The following ARL15 variants were observed in gnomAD, a reference collection of about 807,000 sequenced individuals.
ARL15 encodes the protein ARF like GTPase 15.
ARL15 carries 19 observed loss-of-function variants against 25.2 expected under a neutral mutation model. The ratio of observed to expected loss-of-function variants is 0.75; its 90% CI spans 0.53 to 1.10. The LOEUF (loss-of-function observed/expected upper bound fraction) is 1.10, where lower values mean the gene tolerates loss of function less well. ARL15 is among the 50% of genes least tolerant of loss of function. ARL15 has a pLI of 0.00. For synonymous variants in ARL15, 94 were observed against 86.8 expected, an observed-to-expected ratio of 1.08 and a Z score of -0.46; for missense variants, 220 against 246.0, an observed-to-expected ratio of 0.89 and a Z score of 0.71.
intron 4 of ARL15, among the ~76,000 whole-genome samples, 175 bp from the exon 5 acceptor site, chr5:53,886,888 A>G (rs1744543783): frequency 6.6e-6 from 1 of 152,140 alleles, no homozygotes; most frequent in Non-Finnish European, 1.5e-5. Context: ...TGTGGGTTAT[A>G]TATTGTGACC....
chr5:54,128,872 AT>A (rs1157268344), intron 3 of ARL15, among the ~76,000 whole-genome samples: 2 of 151,888 alleles, frequency 1.3e-5, no homozygotes, highest in African/African-American at 4.8e-5. Context: ...CGCCCGGCTA[AT>A]TTTTTGTATT....
rs58782533 is a variant in ARL15, at chr5:54,057,988, CTTTATTTA to C, written c.462+55206_462+55213del. ...TCTGTCTCCACTAATTTACTGGTGC[CTTTATTTA>C]TTTATTTATTTATTTATTTATTTTT... On this transcript the variant is annotated intron_variant, in intron 4 of 4. Coordinates refer to ENST00000504924, the MANE Select transcript of ARL15 (RefSeq NM_019087.3). Among the ~76,000 whole-genome samples the C allele has an allele frequency of 3.1e-4, 10 of 32,754 alleles. No homozygotes were observed. In the South Asian group the frequency reaches 9.2e-3, roughly 30 times the overall value. The allele number at this position is 32,754 out of a possible 152,430, so 21.5% of individuals were successfully genotyped here. A position where few individuals can be genotyped will look rare whatever the true frequency, so the allele number is the denominator to read the frequency against.
intron 4 of ARL15, among the ~76,000 whole-genome samples, chr5:54,003,612 T>C (rs984884571): frequency 6.6e-6 from 1 of 152,182 alleles, no homozygotes; most frequent in African/African-American, 2.4e-5. Flanking sequence ...TAGTCTAACA[T>C]CTAAAGGACT....
At chr5:54,181,523 A>C (rs1344848045) in intron 1 of ARL15, among the ~76,000 whole-genome samples, 1 of 152,248 alleles carries the variant, frequency 6.6e-6, no homozygotes, top group Non-Finnish European at 1.5e-5. Context: ...ACCTGAACAG[A>C]ACATTTCTAA....
At chr5:53,952,416 T>C (rs1172134828) in intron 4 of ARL15, among the ~76,000 whole-genome samples, 3 of 152,210 alleles carry the variant, frequency 2.0e-5, no homozygotes, top group Non-Finnish European at 2.9e-5. Flanking sequence ...CATCTTATGC[T>C]TGCATTATAA....
intron 1 of ARL15, among the ~76,000 whole-genome samples, chr5:54,201,540 C>CA (rs1755723888): frequency 3.3e-5 from 5 of 152,122 alleles, no homozygotes; most frequent in Admixed American, 2.0e-4. Context: ...GATGTCTGAT[C>CA]ACCCCAGCCA....
intron 4 of ARL15, among the ~76,000 whole-genome samples, chr5:53,894,782 C>G (rs1444852030): frequency 2.6e-5 from 4 of 152,114 alleles, no homozygotes; most frequent in African/African-American, 9.7e-5. Flanking sequence ...GAAGGATCAG[C>G]CTATAAATAC....
intron 1 of ARL15, among the ~76,000 whole-genome samples, chr5:54,240,536 T>G (rs1490397280): frequency 6.6e-6 from 1 of 152,158 alleles, no homozygotes. Context: ...CATACTGTAT[T>G]GCAAGTGTTC....
intron 4 of ARL15, among the ~76,000 whole-genome samples, chr5:54,049,383 G>C (rs944226967): frequency 3.3e-5 from 5 of 151,676 alleles, no homozygotes; most frequent in African/African-American, 9.7e-5. Flanking sequence ...TGGGACTGCA[G>C]GCATGAGCCA....
chr5:53,974,613 T>C (rs536857954), intron 4 of ARL15, among the ~76,000 whole-genome samples: 15 of 152,322 alleles, frequency 9.8e-5, no homozygotes, highest in African/African-American at 3.1e-4. Flanking sequence ...TAACATCATT[T>C]GTGTATTTCA....
Position 53,886,733 on chromosome 5 carries a change from G to C in ARL15, c.463-20C>G, listed in dbSNP as rs763653249. 6.6e-7 allele frequency: 1 copy of C among 1,526,064 alleles called. No individual in the cohort carries two copies. The highest frequency in any genetic ancestry group is 1.3e-5 in the South Asian group (1 of 78,976). 94.5% of individuals were successfully genotyped at this position (1,526,064 alleles called of 1,614,324 possible). A position where few individuals can be genotyped will look rare whatever the true frequency, so the allele number is the denominator to read the frequency against. The stretch of plus-strand genomic sequence containing the variant: ...TTTGATCTTAAGAGGAAAAAATAAA[G>C]ATAAATAGGTTATTAATTATATCAG... On this transcript the variant is annotated intron_variant, in intron 4 of 4. Transcript: ENST00000504924.
intron 4 of ARL15, among the ~76,000 whole-genome samples, chr5:53,941,343 G>A (rs532748472): frequency 6.6e-6 from 1 of 152,170 alleles, no homozygotes; most frequent in African/African-American, 2.4e-5. Context: ...AGAACAGAAT[G>A]AAACAGATAA....
chr5:54,046,468 G>C (rs1239149034), intron 4 of ARL15, among the ~76,000 whole-genome samples: 1 of 152,164 alleles, frequency 6.6e-6, no homozygotes, highest in African/African-American at 2.4e-5. Flanking sequence ...GCACGAGAGC[G>C]AGACTCTGTC....
At chr5:53,985,162 A>G (rs998459258) in intron 4 of ARL15, among the ~76,000 whole-genome samples, 1 of 152,070 alleles carries the variant, frequency 6.6e-6, no homozygotes, top group Non-Finnish European at 1.5e-5. Flanking sequence ...AATTCTACAT[A>G]ATCAACCTTT....
In ARL15 at chr5:54,171,940, AG is replaced by A; in HGVS notation, c.49-13del. ...AGTGCTCTAAAACACTGCCAAAAGA[AG>A]GGGAAAAAAATGTTCCTTTAAATGA... On this transcript the variant is annotated splice_polypyrimidine_tract_variant and intron_variant, in intron 1 of 4. Transcript: ENST00000504924. 6.2e-7 allele frequency: 1 copy of A among 1,605,454 alleles called. No individual in the cohort carries two copies. Among genetic ancestry groups the A allele is most frequent in the Non-Finnish European group, 8.5e-7 (1 of 1,174,196 alleles).
Position 54,043,456 on chromosome 5 carries a change from G to A in ARL15, c.462+69746C>T, listed in dbSNP as rs866629818. Among the ~76,000 whole-genome samples, 14 of 152,218 alleles carry A rather than the reference G, an allele frequency of 9.2e-5. No homozygotes were observed. In the South Asian group the frequency reaches 2.5e-3, roughly 27 times the overall value. On this transcript the variant is annotated intron_variant, in intron 4 of 4. Coordinates refer to ENST00000504924, the MANE Select transcript of ARL15 (RefSeq NM_019087.3). ...AGATAATTATGTAATAATAACCATG[G>A]TAATACTGTCCTTATATTTTCCAGC...
chr5:54,058,886 G>A (rs905220805), intron 4 of ARL15, among the ~76,000 whole-genome samples: 8 of 152,180 alleles, frequency 5.3e-5, no homozygotes, highest in African/African-American at 1.9e-4. Context: ...GGAGGAGGGA[G>A]AACTTTCGAG....
intron 2 of ARL15, among the ~76,000 whole-genome samples, chr5:54,167,359 T>A (rs1266810182): frequency 3.3e-5 from 5 of 152,178 alleles, no homozygotes; most frequent in African/African-American, 1.2e-4. Context: ...TGCAGGGAGT[T>A]CACTGAGCTC....
chr5:54,083,914 A>T (rs1257957871), intron 4 of ARL15, among the ~76,000 whole-genome samples: 1 of 152,182 alleles, frequency 6.6e-6, no homozygotes, highest in Admixed American at 6.5e-5. Flanking sequence ...CTAAAATTAA[A>T]TGGAGTAGGG....
Sources: allele counts gnomAD v4.1 joint callset (sites outside exome capture counted in the v4.1 genomes callset), GRCh38; gene constraint gnomAD v4.1.1; transcripts MANE v1.5; gene names NCBI Gene and HGNC (gene_info 2026-07-23, HGNC 2026-07-21).